DPYD: variants seen among roughly 807,000 people sequenced by gnomAD.
DPYD encodes the protein dihydropyrimidine dehydrogenase.
DPYD carries 109 observed loss-of-function variants against 116.2 expected under a neutral mutation model. That is an observed-to-expected ratio of 0.94 (90% CI 0.80 to 1.10). DPYD has a LOEUF of 1.10. DPYD is among the 50% of genes least tolerant of loss of function. The pLI, the probability that DPYD is intolerant of heterozygous loss-of-function variation, is 0.00. For synonymous variants in DPYD, 440 were observed against 432.0 expected, an observed-to-expected ratio of 1.02 and a Z score of -0.23; for missense variants, 1,302 against 1,254.5, an observed-to-expected ratio of 1.04 and a Z score of -0.57.
intron 20 of DPYD, among the ~76,000 whole-genome samples, chr1:97,173,674 G>A: frequency 6.6e-6 from 1 of 150,810 alleles, no homozygotes; most frequent in East Asian, 2.0e-4. Flanking sequence ...ATGCATAGAT[G>A]TTTATTTAAA....
rs12081769 is a variant in DPYD at position 97,262,540 on chromosome 1, T to C, written c.2300-27546A>G. 9.8e-3 allele frequency among the ~76,000 whole-genome samples: 1,493 copies of C among 152,244 alleles called. 23 individuals are homozygous for C. The highest frequency in any genetic ancestry group is 0.034 in the African/African-American group (1,425 of 41,572). On this transcript the variant is annotated intron_variant, in intron 18 of 22. Transcript: ENST00000370192. ...ACTTGAAGACAATTAATTTTAACTTTTTAAAATTCTAAAGTTTTGAGAGTA... is the reference window on the plus strand; with the variant it reads ...ACTTGAAGACAATTAATTTTAACTTCTTAAAATTCTAAAGTTTTGAGAGTA...
At chr1:97,860,636 G>A (rs908354684) in intron 2 of DPYD, among the ~76,000 whole-genome samples, 1 of 151,914 alleles carries the variant, frequency 6.6e-6, no homozygotes, top group Non-Finnish European at 1.5e-5. Flanking sequence ...AGTGCACAAC[G>A]ACATTCCATA....
intron 13 of DPYD, among the ~76,000 whole-genome samples, chr1:97,495,034 T>C (rs1250911582): frequency 6.6e-6 from 1 of 152,144 alleles, no homozygotes; most frequent in African/African-American, 2.4e-5. Flanking sequence ...TCATAGTTTG[T>C]GGATTGAATA....
chr1:97,234,762 A>C, intron 19 of DPYD, 90 bp downstream of exon 19: 1 of 1,553,018 alleles, frequency 6.4e-7, no homozygotes, highest in Admixed American at 1.8e-5. Context: ...AAGAGGCCCA[A>C]AAACGAATCT....
At chr1:97,155,320 A>G (rs1355889398) in intron 20 of DPYD, among the ~76,000 whole-genome samples, 1 of 152,128 alleles carries the variant, frequency 6.6e-6, no homozygotes, top group Non-Finnish European at 1.5e-5. Context: ...CATCATTTAC[A>G]CTATTCATAG....
At chr1:97,701,864 T>C (rs1040452084) in intron 5 of DPYD, among the ~76,000 whole-genome samples, 47 of 151,846 alleles carry the variant, frequency 3.1e-4, no homozygotes, top group Admixed American at 6.6e-4. Flanking sequence ...CCATAAAATA[T>C]TTAAGGGAAG....
intron 14 of DPYD, among the ~76,000 whole-genome samples, chr1:97,392,432 G>C (rs548360919): frequency 3.3e-5 from 5 of 151,506 alleles, no homozygotes; most frequent in Non-Finnish European, 5.9e-5. Flanking sequence ...ATAGCTTACC[G>C]TGGCATCGAA....
intron 16 of DPYD, among the ~76,000 whole-genome samples, chr1:97,370,331 C>T (rs998758213): frequency 2.6e-5 from 4 of 152,094 alleles, no homozygotes; most frequent in Admixed American, 6.6e-5. Flanking sequence ...AAACAAAACA[C>T]CACATTCTCA....
chr1:97,401,607 CCCAG>C (rs1292161954), intron 14 of DPYD, among the ~76,000 whole-genome samples: 1 of 152,088 alleles, frequency 6.6e-6, no homozygotes, highest in African/African-American at 2.4e-5. Context: ...AGCCACTGCG[CCCAG>C]CCAGAGTTTT....
chr1:97,194,792 T>C (rs761865011), intron 19 of DPYD, among the ~76,000 whole-genome samples: 13 of 152,088 alleles, frequency 8.5e-5, no homozygotes, highest in Non-Finnish European at 1.8e-4. Flanking sequence ...CGTGACCCAC[T>C]GTGCCCGGCC....
intron 12 of DPYD, among the ~76,000 whole-genome samples, chr1:97,535,674 A>C (rs1649941728): frequency 6.6e-6 from 1 of 152,204 alleles, no homozygotes; most frequent in Admixed American, 6.5e-5. Context: ...ATACAAAGTC[A>C]ATAAAAGGCA....
At chr1:97,680,775 C>T (rs1409055613) in intron 7 of DPYD, among the ~76,000 whole-genome samples, 2 of 152,098 alleles carry the variant, frequency 1.3e-5, no homozygotes, top group African/African-American at 4.8e-5. Flanking sequence ...TATCTGCACT[C>T]CAGTGGGTGG....
chr1:97,704,309 T>C (rs1367160507), intron 5 of DPYD, among the ~76,000 whole-genome samples: 1 of 151,998 alleles, frequency 6.6e-6, no homozygotes, highest in African/African-American at 2.4e-5. Context: ...ATTATGAAAC[T>C]ATGAAAATTG....
At chr1:97,820,882 G>A (rs576303818) in intron 3 of DPYD, among the ~76,000 whole-genome samples, 1 of 152,162 alleles carries the variant, frequency 6.6e-6, no homozygotes, top group South Asian at 2.1e-4. Flanking sequence ...TATTTTATGT[G>A]TATTAAGAAA....
intron 3 of DPYD, among the ~76,000 whole-genome samples, chr1:97,808,703 T>C (rs1668202010): frequency 6.6e-6 from 1 of 151,850 alleles, no homozygotes; most frequent in Middle Eastern, 3.2e-3. Context: ...TTGTTCCCAA[T>C]CTTACCAGGT....
chr1:97,766,611 CAGGGGAAAGGAA>C (rs1360538195), intron 3 of DPYD, among the ~76,000 whole-genome samples: 2 of 152,208 alleles, frequency 1.3e-5, no homozygotes, highest in South Asian at 2.1e-4. Flanking sequence ...TGGTGCCCAA[CAGGGGAAAGGAA>C]AGGGGAAGGG....
At chr1:97,700,152 G>C (rs1661517589) in intron 5 of DPYD, 1 of 450,146 alleles carries the variant, frequency 2.2e-6, no homozygotes, top group Non-Finnish European at 4.5e-6. Flanking sequence ...TAAGTGACCA[G>C]AAGTCACTTT....
intron 5 of DPYD, among the ~76,000 whole-genome samples, chr1:97,706,806 G>C (rs1262229074): frequency 6.6e-6 from 1 of 152,010 alleles, no homozygotes; most frequent in African/African-American, 2.4e-5. Flanking sequence ...TATGAATAAA[G>C]CTGCTATAAA....
intron 8 of DPYD, among the ~76,000 whole-genome samples, chr1:97,644,746 C>T (rs1658156532): frequency 6.6e-6 from 1 of 151,952 alleles, no homozygotes; most frequent in South Asian, 2.1e-4. Context: ...GCATGAGCCA[C>T]CGCACCTGGC....
Sources: allele counts gnomAD v4.1 joint callset (sites outside exome capture counted in the v4.1 genomes callset), GRCh38; gene constraint gnomAD v4.1.1; transcripts MANE v1.5; gene names NCBI Gene and HGNC (gene_info 2026-07-23, HGNC 2026-07-21).